Variants in CNNM1 observed in about 807,000 individuals in gnomAD.
CNNM1 encodes cyclin and CBS domain divalent metal cation transport mediator 1.
CNNM1 carries 44 observed loss-of-function variants against 78.8 expected under a neutral mutation model. The observed-to-expected ratio is 0.56, with a 90% CI of 0.44 to 0.72. CNNM1 has a LOEUF of 0.72. Among genes scored for constraint, CNNM1 ranks in the 30% least tolerant of loss-of-function variants. The pLI, the probability that CNNM1 is intolerant of heterozygous loss-of-function variation, is 0.00. For missense variants in CNNM1, 1,101 were observed against 1,292.2 expected (o/e 0.85, Z 2.27); for synonymous variants, 584 against 581.5 (o/e 1.00, Z -0.06).
intron 4 of CNNM1, 65 bp downstream of exon 4, chr10:99,362,461 C>T: frequency 2.0e-6 from 3 of 1,508,884 alleles, no homozygotes; most frequent in South Asian, 2.5e-5. Context: ...GAAGAAATGG[C>T]CATGCCTCCG....
chr10:99,348,938 C>A (rs1292797982), intron 1 of CNNM1, among the ~76,000 whole-genome samples: 1 of 152,094 alleles, frequency 6.6e-6, no homozygotes, highest in Non-Finnish European at 1.5e-5. Context: ...GGCCTGCTGG[C>A]TTGAGTCTGT....
At chr10:99,336,636 A>C (rs1416570487) in intron 1 of CNNM1, among the ~76,000 whole-genome samples, 1 of 152,250 alleles carries the variant, frequency 6.6e-6, no homozygotes, top group Non-Finnish European at 1.5e-5. Flanking sequence ...ACTCTAATAC[A>C]GGAAACAGAA....
intron 6 of CNNM1, among the ~76,000 whole-genome samples, chr10:99,371,908 C>A (rs2031815649): frequency 6.6e-6 from 1 of 152,138 alleles, no homozygotes; most frequent in Non-Finnish European, 1.5e-5. Flanking sequence ...CACAGTCAGA[C>A]CAAAGTAGGC....
In CNNM1 at chr10:99,365,556, G is replaced by A. The variant is rs563797535; in HGVS notation, c.2176+554G>A. Among the ~76,000 whole-genome samples, 33 of 152,332 alleles carry A rather than the reference G, an allele frequency of 2.2e-4. 3 individuals carry two copies. In the South Asian group the frequency reaches 6.8e-3, roughly 32 times the overall value. On this transcript the variant is annotated intron_variant, in intron 6 of 10. Coordinates refer to ENST00000356713, the MANE Select transcript of CNNM1 (RefSeq NM_020348.3). ...TGGCTGTGCATGCTGTTGGTGGGGGGCAGGCACAGGGCTGATGGCTGGTTT... is the reference window on the plus strand; with the variant it reads ...TGGCTGTGCATGCTGTTGGTGGGGGACAGGCACAGGGCTGATGGCTGGTTT...
In CNNM1 at chr10:99,393,398, A is replaced by G. The variant is rs994749691; in HGVS notation, c.*1882A>G. 6.6e-6 allele frequency: 1 copy of G among 152,616 alleles called. No individual in the cohort carries two copies. The highest frequency in any genetic ancestry group is 2.4e-5 in the African/African-American group (1 of 41,466). 9.5% of individuals were successfully genotyped at this position (152,616 alleles called of 1,614,324 possible). On this transcript the variant is annotated 3_prime_UTR_variant, in exon 11 of 11. Transcript: ENST00000356713. ...TCCATAGTTGGACTTCAGAGGGTCT[A>G]TGAAACCCCTAAAACTGTCAGTATT...
intron 1 of CNNM1, among the ~76,000 whole-genome samples, chr10:99,354,233 A>T (rs2031048621): frequency 6.6e-6 from 1 of 152,242 alleles, no homozygotes; most frequent in Non-Finnish European, 1.5e-5. Flanking sequence ...TAAATTGAGC[A>T]CATTCTAACA....
intron 1 of CNNM1, among the ~76,000 whole-genome samples, chr10:99,334,957 A>G (rs1468603265): frequency 6.6e-6 from 1 of 152,212 alleles, no homozygotes; most frequent in Non-Finnish European, 1.5e-5. Context: ...ACAACTTTCC[A>G]TAACTAATAA....
At chr10:99,356,366 C>T (rs1393285924) in intron 1 of CNNM1, among the ~76,000 whole-genome samples, 1 of 151,842 alleles carries the variant, frequency 6.6e-6, no homozygotes, top group Non-Finnish European at 1.5e-5. Flanking sequence ...GTCCCAGCTA[C>T]TCGGGAGGCT....
chr10:99,351,101 G>A (rs1364047715), intron 1 of CNNM1, among the ~76,000 whole-genome samples: 2 of 152,206 alleles, frequency 1.3e-5, no homozygotes, highest in Non-Finnish European at 2.9e-5. Flanking sequence ...ATGTCGATAC[G>A]AGGTAGTGAT....
intron 6 of CNNM1, among the ~76,000 whole-genome samples, chr10:99,366,535 G>A (rs1457704770): frequency 6.6e-6 from 1 of 151,776 alleles, no homozygotes; most frequent in African/African-American, 2.4e-5. Flanking sequence ...TGTAATCCCA[G>A]CACTTTGGGA....
At chr10:99,343,463 G>A (rs577191583) in intron 1 of CNNM1, among the ~76,000 whole-genome samples, 1 of 152,106 alleles carries the variant, frequency 6.6e-6, no homozygotes, top group African/African-American at 2.4e-5. Context: ...TAAATGTGAG[G>A]TCAGCAGTTT....
intron 8 of CNNM1, 71 bp from the exon 9 acceptor site, chr10:99,388,081 C>G: frequency 6.9e-6 from 11 of 1,597,370 alleles, no homozygotes; most frequent in Non-Finnish European, 9.4e-6. Flanking sequence ...TAGCCCTTCC[C>G]AGGGCTCACA....
Position 99,330,173 on chromosome 10 carries a change from G to A in CNNM1, c.786G>A (p.Ser262=), listed in dbSNP as rs1431402808. 9 of 1,520,834 alleles carry A rather than the reference G, an allele frequency of 5.9e-6. No homozygotes were observed. Among genetic ancestry groups the A allele is most frequent in the African/African-American group, 1.4e-5 (1 of 72,434 alleles). 94.2% of individuals were successfully genotyped at this position (1,520,834 alleles called of 1,614,324 possible). ...VELRVLRNSG[S]AAEQEQARRV... is the part of the protein sequence containing the mutation. The stretch of plus-strand genomic sequence containing the variant: ...TACGGGTGCTGCGGAACAGCGGCTC[G>A]GCCGCCGAGCAGGAGCAGGCGCGCC... Residue 262 remains serine (S), a synonymous_variant, in exon 1 of 11, where the codon TCG becomes TCA. Transcript: ENST00000356713.
rs2031465528 is a variant in CNNM1, at chr10:99,362,344, A to G, written c.1976A>G (p.His659Arg). 1 of 1,614,022 alleles carries G rather than the reference A, an allele frequency of 6.2e-7. No individual in the cohort carries two copies. ...GAGAAGAACAAGAAGGCCCCGGAAC[A>G]CTACCTCTACCAGCGCAACCGCCCT... ...FDEKNKKAPE[H>R]YLYQRNRPVD... Residue 659 changes from histidine to arginine, a missense_variant, in exon 4 of 11, where the codon CAC (histidine) becomes CGC (arginine). Coordinates refer to ENST00000356713, the MANE Select transcript of CNNM1 (RefSeq NM_020348.3).
intron 1 of CNNM1, among the ~76,000 whole-genome samples, chr10:99,338,683 T>A (rs998716800): frequency 6.6e-6 from 1 of 152,170 alleles, no homozygotes; most frequent in African/African-American, 2.4e-5. Context: ...GAAAATCATA[T>A]GAGGATAATC....
chr10:99,365,003 G>A lies in CNNM1; in HGVS notation c.2176+1G>A, dbSNP rs376631525. On this transcript the variant is annotated splice_donor_variant, in intron 6 of 10. Coordinates refer to ENST00000356713, the MANE Select transcript of CNNM1 (RefSeq NM_020348.3). LOFTEE classifies it high-confidence loss of function. ...AGTCTGGCTGGATCTTCTGTCTTTCGTATGTATCTCTCAAACCCCTTCCTC... is the reference window on the plus strand; with the variant it reads ...AGTCTGGCTGGATCTTCTGTCTTTCATATGTATCTCTCAAACCCCTTCCTC... 14 of 1,613,836 alleles carry A rather than the reference G, an allele frequency of 8.7e-6. No homozygotes were observed. The highest frequency in any genetic ancestry group is 1.6e-4 in the Middle Eastern group (1 of 6,062).
In CNNM1 at chr10:99,330,035, G is replaced by T. The variant is rs1161521658; in HGVS notation, c.648G>T (p.Gly216=). Residue 216 remains glycine (G), a synonymous_variant, in exon 1 of 11, where the codon GGG becomes GGT. Transcript: ENST00000356713. ...GCCCGCGGTTGTACGGCCCAGGCGG[G>T]GACCTGCTGCCCCCTGCGTGGCTGC... The part of the protein sequence containing the change: ...RVRPRLYGPG[G]DLLPPAWLRA... 6.7e-7 allele frequency: 1 copy of T among 1,489,816 alleles called. No homozygotes were observed. The highest frequency in any genetic ancestry group is 2.3e-5 in the Admixed American group (1 of 42,556). The allele number at this position is 1,489,816 out of a possible 1,614,324, so 92.3% of individuals were successfully genotyped here. A position where few individuals can be genotyped will look rare whatever the true frequency, so the allele number is the denominator to read the frequency against.
chr10:99,386,555 C>T (rs1366800176), intron 7 of CNNM1, among the ~76,000 whole-genome samples: 2 of 152,190 alleles, frequency 1.3e-5, no homozygotes, highest in Non-Finnish European at 2.9e-5. Context: ...TGCAAAAAGG[C>T]ACGTATTCTT....
intron 9 of CNNM1, among the ~76,000 whole-genome samples, chr10:99,389,332 G>A (rs1361392263): frequency 1.3e-5 from 2 of 149,212 alleles, no homozygotes; most frequent in Admixed American, 6.9e-5. Flanking sequence ...CAGGAGAATC[G>A]CTTGAACCTG....
Sources: allele counts gnomAD v4.1 joint callset (sites outside exome capture counted in the v4.1 genomes callset), GRCh38; gene constraint gnomAD v4.1.1; transcripts MANE v1.5; gene names NCBI Gene and HGNC (gene_info 2026-07-23, HGNC 2026-07-21).